Variants in COL5A2 observed in about 807,000 individuals in gnomAD.
COL5A2 encodes the protein collagen alpha-2(V) chain.
Under a neutral mutation model 208.2 loss-of-function variants are expected in COL5A2, and 23 were observed. The ratio of observed to expected loss-of-function variants is 0.11; its 90% CI spans 0.08 to 0.16. COL5A2 has a LOEUF of 0.16. COL5A2 is among the 10% of genes least tolerant of loss of function. The pLI is 1.00. For synonymous variants in COL5A2, 625 were observed against 628.5 expected, an observed-to-expected ratio of 0.99 and a Z score of 0.08; for missense variants, 1,590 against 1,956.4, an observed-to-expected ratio of 0.81 and a Z score of 3.53.
At chr2:189,350,738 A>G in the COL5A2 span, among the ~76,000 whole-genome samples, 532 of 152,264 alleles carry the variant, frequency 3.5e-3, no homozygotes, top group Non-Finnish European at 5.6e-3. Context: ...CATGTTCCCA[A>G]TGCCTTTTGA....
the COL5A2 span, among the ~76,000 whole-genome samples, chr2:189,350,751 C>A: frequency 6.6e-6 from 1 of 152,138 alleles, no homozygotes; most frequent in Admixed American, 6.6e-5. Flanking sequence ...CCTTTTGATA[C>A]TTTGTGGCCA....
At chr2:189,053,871 G>T in intron 37 of COL5A2, 24 bp downstream of exon 37, 1 of 1,600,746 alleles carries the variant, frequency 6.2e-7, no homozygotes, top group Non-Finnish European at 8.6e-7. Flanking sequence ...TCACACTAAA[G>T]AACACCAAAA....
chr2:189,047,611 C>G (rs1055772216), intron 45 of COL5A2, among the ~76,000 whole-genome samples: 1 of 152,136 alleles, frequency 6.6e-6, no homozygotes, highest in Admixed American at 6.6e-5. Context: ...GCTCCAAAGC[C>G]CATTCTGCTA....
At chr2:189,414,654 C>A in the COL5A2 span, among the ~76,000 whole-genome samples, 1 of 150,544 alleles carries the variant, frequency 6.6e-6, no homozygotes, top group Non-Finnish European at 1.5e-5. Context: ...AAGGCTGAGG[C>A]CTGAGAATGG....
chr2:189,161,394 C>T (rs1046695265), intron 1 of COL5A2, among the ~76,000 whole-genome samples: 7 of 152,070 alleles, frequency 4.6e-5, no homozygotes, highest in African/African-American at 1.2e-4. Flanking sequence ...TACTCTGACT[C>T]AAGTCACTAT....
chr2:189,430,437 A>T, the COL5A2 span, among the ~76,000 whole-genome samples: 2 of 152,184 alleles, frequency 1.3e-5, no homozygotes, highest in Admixed American at 6.5e-5. Context: ...TCCCTTTGCT[A>T]GCCAAGGGAA....
the COL5A2 span, chr2:189,311,955 G>T: frequency 1.3e-6 from 1 of 760,404 alleles, no homozygotes; most frequent in South Asian, 1.3e-5. Flanking sequence ...AGCTGCAGCC[G>T]AGTGACATTG....
chr2:189,165,953 T>C (rs1001707557), intron 1 of COL5A2, among the ~76,000 whole-genome samples: 6 of 152,216 alleles, frequency 3.9e-5, no homozygotes, highest in Admixed American at 2.6e-4. Flanking sequence ...TATTTATTTA[T>C]CTATTTATTT....
Position 189,080,878 on chromosome 2 carries a change from G to A in COL5A2, c.906+112C>T, listed in dbSNP as rs1311102219. 6 of 866,834 alleles carry A rather than the reference G, an allele frequency of 6.9e-6. No individual in the cohort carries two copies. The African/African-American group carries it at 9.9e-5, about 14-fold the overall frequency. 53.7% of individuals were successfully genotyped at this position (866,834 alleles called of 1,614,324 possible). A position where few individuals can be genotyped will look rare whatever the true frequency, so the allele number is the denominator to read the frequency against. On this transcript the variant is annotated intron_variant, in intron 13 of 53. Transcript: ENST00000374866. ...ACCACAGATGAATACTGCAACCATA[G>A]ACAGTTAAGGACAATTGACAAATTG...
At chr2:189,420,052 G>A in the COL5A2 span, among the ~76,000 whole-genome samples, 2 of 136,578 alleles carry the variant, frequency 1.5e-5, no homozygotes, top group Non-Finnish European at 3.2e-5. Flanking sequence ...AGAAAGAGAG[G>A]GAAGGAAGGA....
intron 1 of COL5A2, among the ~76,000 whole-genome samples, chr2:189,194,362 C>A (rs539111623): frequency 1.6e-4 from 25 of 152,132 alleles, no homozygotes; most frequent in Non-Finnish European, 3.2e-4. Context: ...ACTAACAAAC[C>A]CACTACCCTA....
At chr2:189,153,598 G>A (rs1688187726) in intron 1 of COL5A2, among the ~76,000 whole-genome samples, 1 of 152,176 alleles carries the variant, frequency 6.6e-6, no homozygotes, top group African/African-American at 2.4e-5. Context: ...GGGGTGCACA[G>A]GGGTGATAAG....
chr2:189,320,823 A>G, the COL5A2 span, among the ~76,000 whole-genome samples: 2 of 152,194 alleles, frequency 1.3e-5, no homozygotes, highest in Non-Finnish European at 2.9e-5. Context: ...GAACGCCACA[A>G]AGATACTCCT....
At chr2:189,285,799 C>A in the COL5A2 span, among the ~76,000 whole-genome samples, 3 of 152,128 alleles carry the variant, frequency 2.0e-5, no homozygotes, top group East Asian at 1.9e-4. Context: ...ATATTAATTT[C>A]TCTGTATTCT....
At chr2:189,098,301 T>G (rs1052884067) in intron 5 of COL5A2, among the ~76,000 whole-genome samples, 1 of 152,234 alleles carries the variant, frequency 6.6e-6, no homozygotes, top group Non-Finnish European at 1.5e-5. Context: ...TAATCTTTTA[T>G]ACTAAGCCAT....
At chr2:189,439,406 T>C in the COL5A2 span, among the ~76,000 whole-genome samples, 899 of 152,338 alleles carry the variant, frequency 5.9e-3, 13 homozygotes, top group African/African-American at 0.021. Context: ...TAGGCTATGC[T>C]CTTTCTTGCT....
intron 1 of COL5A2, among the ~76,000 whole-genome samples, chr2:189,148,855 T>C (rs1408482547): frequency 6.6e-6 from 1 of 152,294 alleles, no homozygotes; most frequent in Non-Finnish European, 1.5e-5. Context: ...AAATACTGAT[T>C]ATGGCCTGGT....
At chr2:189,195,879 T>C (rs1277674287) in intron 1 of COL5A2, among the ~76,000 whole-genome samples, 1 of 152,146 alleles carries the variant, frequency 6.6e-6, no homozygotes, top group African/African-American at 2.4e-5. Flanking sequence ...GAAATACCAT[T>C]CAGGACATAG....
At chr2:189,068,532 T>C (rs1472293986) in intron 19 of COL5A2, among the ~76,000 whole-genome samples, 1 of 152,170 alleles carries the variant, frequency 6.6e-6, no homozygotes, top group African/African-American at 2.4e-5. Flanking sequence ...TTAAATTTTA[T>C]ATTTCAAAAT....
Sources: gnomAD v4.1 joint callset for allele counts (sites outside exome capture counted in the v4.1 genomes callset) on GRCh38, gnomAD v4.1.1 for gene constraint, MANE v1.5 for transcripts, NCBI Gene and HGNC (gene_info 2026-07-23, HGNC 2026-07-21) for gene names.